DPP4: variants seen among roughly 807,000 people sequenced by gnomAD.
The protein encoded by DPP4 is dipeptidyl peptidase 4.
Under a neutral mutation model 122.4 loss-of-function variants are expected in DPP4, and 93 were observed. That is an observed-to-expected ratio of 0.76 (90% CI 0.64 to 0.90). The LOEUF (loss-of-function observed/expected upper bound fraction) is 0.90. DPP4 is among the 40% of genes least tolerant of loss of function. DPP4 has a pLI of 0.00. For synonymous variants in DPP4, 321 were observed against 302.9 expected (o/e 1.06, Z -0.62); for missense variants, 914 against 907.3 (o/e 1.01, Z -0.09).
At chr2:162,073,561 T>TCTGGAGCAGCC in intron 1 of DPP4, 75 bp from the exon 2 acceptor site, 1 of 1,453,002 alleles carries the variant, frequency 6.9e-7, no homozygotes, top group Non-Finnish European at 9.6e-7. Context: ...TCGGGGCTGC[T>TCTGGAGCAGCC]CCAGAGGCAG....
chr2:161,999,266 A>C (rs1052914306), intron 23 of DPP4, among the ~76,000 whole-genome samples: 7 of 152,182 alleles, frequency 4.6e-5, no homozygotes, highest in South Asian at 4.1e-4. Context: ...AAAAGAAATA[A>C]CAGGCATGAA....
At chr2:162,008,136 C>G (rs1046147370) in intron 22 of DPP4, among the ~76,000 whole-genome samples, 1 of 152,084 alleles carries the variant, frequency 6.6e-6, no homozygotes, top group Non-Finnish European at 1.5e-5. Flanking sequence ...CAACAACCCC[C>G]CAATGGGTGT....
chr2:162,019,394 C>T (rs1187261692), intron 14 of DPP4, 118 bp from the exon 15 acceptor site: 2 of 620,086 alleles, frequency 3.2e-6, no homozygotes, highest in Admixed American at 3.6e-5. Flanking sequence ...GGGTGCCCGC[C>T]GCCCTCCGCC....
Position 162,061,301 on chromosome 2 carries a change from G to A in DPP4, c.94+12098C>T, listed in dbSNP as rs532758001. On this transcript the variant is annotated intron_variant, in intron 2 of 25. Coordinates refer to ENST00000360534, the MANE Select transcript of DPP4 (RefSeq NM_001935.4). ...AAAGAAATACTTACCTGATCCTGCTGCATCCCCAAGCCATCTGGACAAACT... is the reference window on the plus strand; with the variant it reads ...AAAGAAATACTTACCTGATCCTGCTACATCCCCAAGCCATCTGGACAAACT... 1.5e-4 allele frequency among the ~76,000 whole-genome samples: 23 copies of A among 152,252 alleles called. No homozygotes were observed. In the East Asian group the frequency reaches 4.4e-3, roughly 29 times the overall value.
At chr2:162,024,761 T>A in intron 11 of DPP4, 43 bp downstream of exon 11, 4 of 1,602,572 alleles carry the variant, frequency 2.5e-6, no homozygotes, top group Non-Finnish European at 3.4e-6. Flanking sequence ...GACCCTCTGA[T>A]CACATGTTGC....
intron 21 of DPP4, 76 bp downstream of exon 21, chr2:162,009,165 A>G (rs903036559): frequency 2.4e-5 from 35 of 1,447,668 alleles, no homozygotes; most frequent in Non-Finnish European, 3.1e-5. Flanking sequence ...AAATATGTAT[A>G]TACAAAAGAT....
chr2:162,001,093 A>G (rs1273312125), intron 23 of DPP4, among the ~76,000 whole-genome samples: 1 of 152,094 alleles, frequency 6.6e-6, no homozygotes, highest in Non-Finnish European at 1.5e-5. Context: ...TCTTTCTCTA[A>G]TGATTCAGAT....
chr2:162,073,940 A>G (rs757118985), intron 1 of DPP4, 36 bp downstream of exon 1: 1 of 1,610,692 alleles, frequency 6.2e-7, no homozygotes, highest in South Asian at 1.1e-5. Flanking sequence ...AGGTCCCCAC[A>G]GCTCGCCCCG....
At chr2:162,046,615 G>A in intron 4 of DPP4, 1 of 486,320 alleles carries the variant, frequency 2.1e-6, no homozygotes, top group South Asian at 1.6e-5. Context: ...GGGCAGTAAT[G>A]CTGTGGGGTT....
Position 162,039,148 on chromosome 2 carries a change from A to T in DPP4, c.403T>A (p.Tyr135Asn). ...GTCACTGACCTTTTATTTAAATCAT[A>T]AATGTCATATGAAGCTGTGTAGGAA... ...RHSYTASYDI[Y>N]DLNKRQLITE... The change falls in exon 6 of 26, where the codon TAT becomes AAT. Residue 135 changes from tyrosine (Y) to asparagine (N), a missense_variant. Tyr to Asn is a moderately radical substitution (Grantham distance 143). Transcript: ENST00000360534. 1 of 1,613,048 alleles carries T rather than the reference A, an allele frequency of 6.2e-7. No individual in the cohort carries two copies.
At chr2:162,001,126 A>G (rs1247341248) in intron 23 of DPP4, among the ~76,000 whole-genome samples, 1 of 152,156 alleles carries the variant, frequency 6.6e-6, no homozygotes. Context: ...TCCCTTTTCT[A>G]ACCCTCAATA....
intron 2 of DPP4, among the ~76,000 whole-genome samples, chr2:162,051,279 C>T (rs955136850): frequency 2.0e-5 from 3 of 152,092 alleles, no homozygotes; most frequent in African/African-American, 7.2e-5. Flanking sequence ...AACAATAATT[C>T]CAGAATGATA....
At chr2:161,998,933 G>C (rs1219219853) in intron 23 of DPP4, among the ~76,000 whole-genome samples, 1 of 152,190 alleles carries the variant, frequency 6.6e-6, no homozygotes, top group African/African-American at 2.4e-5. Context: ...AATGCAGCAA[G>C]AGAAAAATAA....
chr2:162,039,483 G>A (rs1169128623), intron 5 of DPP4, among the ~76,000 whole-genome samples: 1 of 152,058 alleles, frequency 6.6e-6, no homozygotes, highest in East Asian at 1.9e-4. Flanking sequence ...AGTGTGCTAA[G>A]ATTGCCTACT....
intron 5 of DPP4, among the ~76,000 whole-genome samples, chr2:162,041,530 C>G (rs987941155): frequency 6.6e-6 from 1 of 152,150 alleles, no homozygotes; most frequent in Non-Finnish European, 1.5e-5. Context: ...CTTCTATGCT[C>G]TCATGTCAAC....
intron 12 of DPP4, among the ~76,000 whole-genome samples, 170 bp downstream of exon 12, chr2:162,022,585 A>T (rs1683169931): frequency 6.6e-6 from 1 of 152,162 alleles, no homozygotes; most frequent in South Asian, 2.1e-4. Context: ...TGTGTTATAT[A>T]TTCTCTACAA....
chr2:162,035,667 CCTTT>C (rs1313805090), intron 8 of DPP4, among the ~76,000 whole-genome samples: 1 of 152,082 alleles, frequency 6.6e-6, no homozygotes, highest in Non-Finnish European at 1.5e-5. Flanking sequence ...GGCTGATTCT[CCTTT>C]CTAATTTTCA....
chr2:162,035,445 G>T, intron 8 of DPP4, 121 bp from the exon 9 acceptor site: 1 of 809,826 alleles, frequency 1.2e-6, no homozygotes, highest in Non-Finnish European at 1.9e-6. Context: ...GAACCACTTT[G>T]CATTTGCTGG....
chr2:161,996,805 A>G (rs949245702), intron 23 of DPP4, among the ~76,000 whole-genome samples: 1 of 152,166 alleles, frequency 6.6e-6, no homozygotes, highest in South Asian at 2.1e-4. Context: ...AGGTATGTAT[A>G]TATGTAGAGG....
Sources: allele counts gnomAD v4.1 joint callset (sites outside exome capture counted in the v4.1 genomes callset), GRCh38; gene constraint gnomAD v4.1.1; transcripts MANE v1.5; gene names NCBI Gene and HGNC (gene_info 2026-07-23, HGNC 2026-07-21).